NAA50: variants seen among roughly 807,000 people sequenced by gnomAD.
The protein encoded by NAA50 is N-alpha-acetyltransferase 50, NatE catalytic subunit.
In NAA50, 7 loss-of-function variants were observed where a neutral mutation model predicts 20.7. The observed-to-expected ratio is 0.34, with a 90% CI of 0.19 to 0.63. The LOEUF is 0.63. Among genes scored for constraint, NAA50 ranks in the 30% least tolerant of loss-of-function variants. NAA50 has a pLI of 0.75. For synonymous variants in NAA50, 54 were observed against 70.6 expected (o/e 0.77, Z 1.18); for missense variants, 111 against 199.1 (o/e 0.56, Z 2.66).
intron 1 of NAA50, among the ~76,000 whole-genome samples, chr3:113,736,471 A>T (rs1389384280): frequency 6.6e-6 from 1 of 152,228 alleles, no homozygotes; most frequent in South Asian, 2.1e-4. Flanking sequence ...TCTGGGTTAG[A>T]CTATGCTAGT....
intron 1 of NAA50, among the ~76,000 whole-genome samples, chr3:113,730,717 C>G (rs1708260981): frequency 6.6e-6 from 1 of 152,204 alleles, no homozygotes; most frequent in African/African-American, 2.4e-5. Context: ...TGGTTTCTTT[C>G]ATTTAGCATA....
At chr3:113,745,764 C>T (rs976779233) in intron 1 of NAA50, 178 bp downstream of exon 1, 77 of 745,366 alleles carry the variant, frequency 1.0e-4, no homozygotes, top group Non-Finnish European at 1.5e-4. Context: ...TTCAGCCCGC[C>T]AACAGCCCGA....
intron 1 of NAA50, among the ~76,000 whole-genome samples, chr3:113,739,094 A>C (rs1254631627): frequency 6.6e-6 from 1 of 152,230 alleles, no homozygotes; most frequent in Non-Finnish European, 1.5e-5. Flanking sequence ...TTAAAAAAGG[A>C]AATGCCGTTT....
intron 1 of NAA50, among the ~76,000 whole-genome samples, chr3:113,738,128 T>C (rs944208823): frequency 1.3e-5 from 2 of 152,184 alleles, no homozygotes; most frequent in East Asian, 1.9e-4. Context: ...TCAGCAATTA[T>C]ATGGTCGGTT....
At chr3:113,745,918 C>A in intron 1 of NAA50, 24 bp downstream of exon 1, 1 of 1,602,948 alleles carries the variant, frequency 6.2e-7, no homozygotes. Context: ...ACCGGCCGGG[C>A]CCTGCCCGGC....
At position 113,724,185 on chromosome 3, in the gene NAA50, T is replaced by A. The variant is rs1708172654; in HGVS notation, c.9-90A>T. The A allele has an allele frequency of 6.2e-6, 8 of 1,293,446 alleles. No individual in the cohort carries two copies. In the Admixed American group the frequency reaches 2.0e-4, roughly 33 times the overall value. The allele number at this position is 1,293,446 out of a possible 1,614,324, so 80.1% of individuals were successfully genotyped here. On this transcript the variant is annotated intron_variant, in intron 1 of 4. Coordinates refer to ENST00000240922, the MANE Select transcript of NAA50 (RefSeq NM_025146.4). ...AAAGGGGTACCAAGTCTTTTTTACATGATTGATAAATCCAACTCTTTCAGA... is the reference window on the plus strand; with the variant it reads ...AAAGGGGTACCAAGTCTTTTTTACAAGATTGATAAATCCAACTCTTTCAGA...
intron 1 of NAA50, among the ~76,000 whole-genome samples, chr3:113,742,171 G>A (rs189457781): frequency 6.6e-6 from 1 of 152,232 alleles, no homozygotes; most frequent in South Asian, 2.1e-4. Context: ...ATAAACTGTA[G>A]GTTTATAAAA....
At chr3:113,724,590 T>C (rs886227981) in intron 1 of NAA50, 5 of 152,194 alleles carry the variant, frequency 3.3e-5, no homozygotes, top group African/African-American at 7.2e-5. Context: ...TGGATACACA[T>C]ACCCCATTTT....
intron 1 of NAA50, among the ~76,000 whole-genome samples, chr3:113,726,768 A>C (rs534246162): frequency 7.9e-5 from 12 of 152,066 alleles, no homozygotes; most frequent in Non-Finnish European, 1.3e-4. Flanking sequence ...GAAAGAAAGA[A>C]AGAAAAATCT....
chr3:113,724,854 T>C (rs1263300533), intron 1 of NAA50, among the ~76,000 whole-genome samples: 1 of 152,198 alleles, frequency 6.6e-6, no homozygotes, highest in East Asian at 1.9e-4. Flanking sequence ...GAGGCTTTCC[T>C]TCACTTCGCT....
chr3:113,743,294 G>A (rs1336810634), intron 1 of NAA50, among the ~76,000 whole-genome samples: 1 of 152,110 alleles, frequency 6.6e-6, no homozygotes, highest in Admixed American at 6.5e-5. Flanking sequence ...TGGGACTTCC[G>A]CAGTTTCCAA....
rs1429886823 is a variant in NAA50, at chr3:113,716,841, C to A, written c.*4919G>T. ...ATAGTTCAGCCAATAGAGTAACTTC[C>A]CAAATGCTGGATTTAAGCTTTCATC... On this transcript the variant is annotated 3_prime_UTR_variant, in exon 5 of 5. Transcript: ENST00000240922. 2 of 152,152 alleles carry A rather than the reference C, an allele frequency of 1.3e-5. No individual in the cohort carries two copies. Among genetic ancestry groups the A allele is most frequent in the Admixed American group, 6.5e-5 (1 of 15,274 alleles). The allele number at this position is 152,152 out of a possible 1,614,324, so 9.4% of individuals were successfully genotyped here.
At position 113,745,785 on chromosome 3, in the gene NAA50, C is replaced by T. The variant is rs552231318; in HGVS notation, c.8+157G>A. The T allele has an allele frequency of 6.9e-5, 62 of 897,656 alleles. No homozygotes were observed. The African/African-American group carries it at 9.4e-4, about 14-fold the overall frequency. The allele number at this position is 897,656 out of a possible 1,614,324, so 55.6% of individuals were successfully genotyped here. A position where few individuals can be genotyped will look rare whatever the true frequency, so the allele number is the denominator to read the frequency against. Reference sequence around the variant, plus strand: ...CCGCCAACAGCCCGAGCCTCGCCTCCGCCCCCTCCGGGAGCCGAGGGAACT... The same window carrying T: ...CCGCCAACAGCCCGAGCCTCGCCTCTGCCCCCTCCGGGAGCCGAGGGAACT... On this transcript the variant is annotated intron_variant, in intron 1 of 4. Coordinates refer to ENST00000240922, the MANE Select transcript of NAA50 (RefSeq NM_025146.4).
intron 1 of NAA50, among the ~76,000 whole-genome samples, chr3:113,732,787 T>C (rs570466747): frequency 1.3e-5 from 2 of 152,366 alleles, no homozygotes; most frequent in South Asian, 4.1e-4. Context: ...AATCACTCTG[T>C]CTGCCAACAC....
intron 1 of NAA50, among the ~76,000 whole-genome samples, chr3:113,725,933 C>T (rs1349004112): frequency 6.6e-6 from 1 of 152,042 alleles, no homozygotes; most frequent in African/African-American, 2.4e-5. Flanking sequence ...GAGTTAGAGG[C>T]AAAAACAAGA....
intron 1 of NAA50, among the ~76,000 whole-genome samples, chr3:113,725,523 T>C (rs1046380407): frequency 6.6e-6 from 1 of 152,164 alleles, no homozygotes; most frequent in African/African-American, 2.4e-5. Flanking sequence ...CCCAGCACTT[T>C]GGGAGACCGG....
intron 4 of NAA50, among the ~76,000 whole-genome samples, chr3:113,722,356 C>T (rs1479365028): frequency 2.6e-5 from 4 of 152,016 alleles, no homozygotes; most frequent in East Asian, 3.8e-4. Context: ...AAATTAAAAA[C>T]GCAAGCTTTC....
rs952157956 is a variant in NAA50, at chr3:113,746,102, G to A, written c.-153C>T. The A allele has an allele frequency of 2.1e-6, 2 of 952,512 alleles. No individual in the cohort carries two copies. The highest frequency in any genetic ancestry group is 3.1e-6 in the Non-Finnish European group (2 of 646,486). The allele number at this position is 952,512 out of a possible 1,614,324, so 59.0% of individuals were successfully genotyped here. A position where few individuals can be genotyped will look rare whatever the true frequency, so the allele number is the denominator to read the frequency against. On this transcript the variant is annotated 5_prime_UTR_variant, in exon 1 of 5. Transcript: ENST00000240922. The stretch of plus-strand genomic sequence containing the variant: ...GCTGTGCGAGCAACGAAGGCCGCGA[G>A]AGTCGAGTGAGGGCTTGAGTCTGGT...
At chr3:113,723,888 C>G (rs1708166898) in intron 2 of NAA50, 71 bp downstream of exon 2, 15 of 1,415,406 alleles carry the variant, frequency 1.1e-5, no homozygotes. Context: ...TTCTTCTGCT[C>G]TATAAAAAAC....
Sources: gnomAD v4.1 joint callset for allele counts (sites outside exome capture counted in the v4.1 genomes callset) on GRCh38, gnomAD v4.1.1 for gene constraint, MANE v1.5 for transcripts, NCBI Gene and HGNC (gene_info 2026-07-23, HGNC 2026-07-21) for gene names.